The following TNR variants were observed in gnomAD, a reference collection of about 807,000 sequenced individuals.
TNR encodes tenascin-R.
Under a neutral mutation model 150.4 loss-of-function variants are expected in TNR, and 45 were observed. The ratio of observed to expected loss-of-function variants is 0.30; its 90% CI spans 0.24 to 0.38. The LOEUF (loss-of-function observed/expected upper bound fraction) is 0.38. Among genes scored for constraint, TNR ranks in the 10% least tolerant of loss-of-function variants. The pLI, the probability that TNR is intolerant of heterozygous loss-of-function variation, is 1.00. For missense variants in TNR, 1,544 were observed against 1,759.1 expected, an observed-to-expected ratio of 0.88 and a Z score of 2.19; for synonymous variants, 687 against 678.4, an observed-to-expected ratio of 1.01 and a Z score of -0.20.
At chr1:175,687,048 G>C (rs1030567044) in intron 1 of TNR, among the ~76,000 whole-genome samples, 2 of 152,172 alleles carry the variant, frequency 1.3e-5, no homozygotes, top group Non-Finnish European at 2.9e-5. Context: ...TTCCCTGAGA[G>C]GGCAGGAAAG....
intron 1 of TNR, among the ~76,000 whole-genome samples, chr1:175,550,591 C>T (rs918786339): frequency 2.0e-5 from 3 of 151,664 alleles, no homozygotes; most frequent in Non-Finnish European, 4.4e-5. Context: ...CTTCTCCCTA[C>T]CCTACTTCCA....
intron 2 of TNR, among the ~76,000 whole-genome samples, chr1:175,513,705 G>GGTGCTA (rs1250453861): frequency 6.6e-6 from 1 of 152,140 alleles, no homozygotes; most frequent in Non-Finnish European, 1.5e-5. Flanking sequence ...AGGGAAGAGG[G>GGTGCTA]GTGCTATTGA....
At chr1:175,331,332 C>T (rs188942207) in intron 20 of TNR, among the ~76,000 whole-genome samples, 10 of 142,588 alleles carry the variant, frequency 7.0e-5, no homozygotes, top group East Asian at 4.7e-4. Context: ...GGCACAATCT[C>T]GGCTCACTGC....
intron 2 of TNR, among the ~76,000 whole-genome samples, chr1:175,491,602 C>A (rs1658251259): frequency 6.7e-6 from 1 of 149,154 alleles, no homozygotes; most frequent in African/African-American, 2.5e-5. Flanking sequence ...TACCATAGCA[C>A]AAGCATCTGT....
At chr1:175,537,249 C>T (rs554427842) in intron 1 of TNR, among the ~76,000 whole-genome samples, 1 of 152,142 alleles carries the variant, frequency 6.6e-6, no homozygotes, top group Non-Finnish European at 1.5e-5. Flanking sequence ...AGTGAAAGAG[C>T]CAAAAATGAG....
intron 2 of TNR, among the ~76,000 whole-genome samples, chr1:175,521,487 G>A (rs1376926264): frequency 6.6e-6 from 1 of 152,150 alleles, no homozygotes; most frequent in Non-Finnish European, 1.5e-5. Context: ...TAGATCACTG[G>A]GACCGCAGAA....
chr1:175,625,563 C>T (rs1002023914), intron 1 of TNR, among the ~76,000 whole-genome samples: 5 of 152,238 alleles, frequency 3.3e-5, no homozygotes, highest in African/African-American at 1.2e-4. Context: ...TCCACAGTTG[C>T]TGTAGGAAGT....
chr1:175,421,001 T>G (rs181782924), intron 2 of TNR, among the ~76,000 whole-genome samples: 1 of 152,252 alleles, frequency 6.6e-6, no homozygotes, highest in Non-Finnish European at 1.5e-5. Flanking sequence ...TCTGAATTTT[T>G]TTTTAAAGTT....
intron 1 of TNR, among the ~76,000 whole-genome samples, chr1:175,630,149 G>T (rs902807983): frequency 6.6e-6 from 1 of 152,124 alleles, no homozygotes; most frequent in Non-Finnish European, 1.5e-5. Flanking sequence ...GACTCCAGGG[G>T]CTCCATGCTG....
At chr1:175,398,371 A>G (rs1018400676) in intron 4 of TNR, among the ~76,000 whole-genome samples, 1 of 152,250 alleles carries the variant, frequency 6.6e-6, no homozygotes, top group Non-Finnish European at 1.5e-5. Flanking sequence ...AAAATTTATA[A>G]AACTCAAGAA....
chr1:175,715,182 C>A (rs76334343), intron 1 of TNR, among the ~76,000 whole-genome samples: 5,137 of 152,282 alleles, frequency 0.034, 303 homozygotes, highest in African/African-American at 0.12. Context: ...TTTGAAAATA[C>A]ATCCTGGGGT....
chr1:175,701,575 G>A (rs1666696766), intron 1 of TNR, among the ~76,000 whole-genome samples: 1 of 152,236 alleles, frequency 6.6e-6, no homozygotes, highest in African/African-American at 2.4e-5. Context: ...AAATAATAAA[G>A]TGGAATGTGG....
chr1:175,634,542 G>T (rs1022756298), intron 1 of TNR, among the ~76,000 whole-genome samples: 3 of 152,214 alleles, frequency 2.0e-5, no homozygotes, highest in African/African-American at 4.8e-5. Flanking sequence ...TATCAGAGAG[G>T]AAATGTAAGT....
At chr1:175,594,679 T>A (rs60808618) in intron 1 of TNR, among the ~76,000 whole-genome samples, 26,776 of 150,320 alleles carry the variant, frequency 0.18, 3,786 homozygotes, top group African/African-American at 0.39. Flanking sequence ...ACACAGCAAA[T>A]CCCCATCTCT....
intron 1 of TNR, among the ~76,000 whole-genome samples, chr1:175,728,008 C>A (rs573576048): frequency 4.5e-4 from 69 of 152,316 alleles, no homozygotes; most frequent in Non-Finnish European, 7.5e-4. Context: ...TGTTAAGTGA[C>A]AACAGTCAGC....
chr1:175,738,144 T>C lies in TNR; in HGVS notation c.-165+5082A>G, dbSNP rs145345432. ...CAAGAAGCCACCTGCTTGAACGTCA[T>C]AGGGAAAGTGTACAATTTTAACTCA... On this transcript the variant is annotated intron_variant, in intron 1 of 22. Coordinates refer to ENST00000367674, the MANE Select transcript of TNR (RefSeq NM_003285.3). 8.1e-3 allele frequency among the ~76,000 whole-genome samples: 1,227 copies of C among 152,202 alleles called. 10 individuals carry two copies. The highest frequency in any genetic ancestry group is 0.034 in the Middle Eastern group (10 of 294).
chr1:175,382,470 A>G (rs755027793), intron 8 of TNR, among the ~76,000 whole-genome samples: 1 of 152,202 alleles, frequency 6.6e-6, no homozygotes, highest in Non-Finnish European at 1.5e-5. Context: ...TGAAATTGTG[A>G]AAGAATTTCC....
chr1:175,393,788 T>C lies in TNR; in HGVS notation c.1348A>G (p.Ile450Val). The change falls in exon 6 of 23, where the codon ATT becomes GTT. Residue 450 changes from isoleucine to valine, a missense_variant. This residue lies in a region of TNR where 1,254 missense variants were observed against 1,329.4 expected (regional missense o/e 0.94). Transcript: ENST00000367674. ...FSFDGWEISF[I>V]PKNNEGGVIA... ...TAACAGGTGAGTGTTACCTTTGGAATGAAGCTGATTTCCCACCCATCGAAG... is the reference window on the plus strand; with the variant it reads ...TAACAGGTGAGTGTTACCTTTGGAACGAAGCTGATTTCCCACCCATCGAAG... 1 of 1,613,074 alleles carries C rather than the reference T, an allele frequency of 6.2e-7. No individual in the cohort carries two copies. Among genetic ancestry groups the C allele is most frequent in the Non-Finnish European group, 8.5e-7 (1 of 1,178,980 alleles).
At chr1:175,485,155 A>T (rs998053995) in intron 2 of TNR, among the ~76,000 whole-genome samples, 1 of 152,146 alleles carries the variant, frequency 6.6e-6, no homozygotes, top group Non-Finnish European at 1.5e-5. Context: ...AGACTGATGC[A>T]TTTGGCATTT....
Sources: gnomAD v4.1 joint callset for allele counts (sites outside exome capture counted in the v4.1 genomes callset) on GRCh38, gnomAD v4.1.1 for gene constraint, gnomAD v4.1.1 regional missense constraint, MANE v1.5 for transcripts, NCBI Gene and HGNC (gene_info 2026-07-23, HGNC 2026-07-21) for gene names.